MARCHF3: variants seen among roughly 807,000 people sequenced by gnomAD.
The protein encoded by MARCHF3 is E3 ubiquitin-protein ligase MARCHF3.
In MARCHF3, 13 loss-of-function variants were observed where a neutral mutation model predicts 24.2. The ratio of observed to expected loss-of-function variants is 0.54; its 90% CI spans 0.35 to 0.85. MARCHF3 has a LOEUF of 0.85. Among genes scored for constraint, MARCHF3 ranks in the 40% least tolerant of loss-of-function variants. The pLI is 0.01. For synonymous variants in MARCHF3, 144 were observed against 137.3 expected, an observed-to-expected ratio of 1.05 and a Z score of -0.34; for missense variants, 276 against 325.0, an observed-to-expected ratio of 0.85 and a Z score of 1.16.
rs530502593 is a variant in MARCHF3 at position 127,025,660 on chromosome 5, C to T, written c.-57+4690G>A. 8.5e-4 allele frequency among the ~76,000 whole-genome samples: 129 copies of T among 152,288 alleles called. 1 individual carries two copies. Among genetic ancestry groups the T allele is most frequent in the African/African-American group, 2.9e-3 (122 of 41,562 alleles). On this transcript the variant is annotated intron_variant, in intron 1 of 4. Transcript: ENST00000308660. ...GTGTCTGTGAGGCCACAGATGAGTG[C>T]ATCTGTCACTTCATTCATCTGAATC...
intron 3 of MARCHF3, among the ~76,000 whole-genome samples, chr5:126,911,893 A>C (rs1754544819): frequency 6.6e-6 from 1 of 152,228 alleles, no homozygotes; most frequent in Admixed American, 6.5e-5. Flanking sequence ...TGTAGAATAC[A>C]CATTTTTTGA....
intron 4 of MARCHF3, among the ~76,000 whole-genome samples, chr5:126,877,124 G>A (rs1272011373): frequency 6.6e-6 from 1 of 152,206 alleles, no homozygotes; most frequent in Non-Finnish European, 1.5e-5. Flanking sequence ...CACTGGAGGG[G>A]AGGCACAGAG....
At chr5:126,881,133 C>T (rs1295144354) in intron 3 of MARCHF3, among the ~76,000 whole-genome samples, 2 of 152,062 alleles carry the variant, frequency 1.3e-5, no homozygotes, top group African/African-American at 4.8e-5. Flanking sequence ...TCTAACTGTT[C>T]TTTGATCTTC....
At position 126,870,347 on chromosome 5, in the gene MARCHF3, C is replaced by T. The variant is rs1752923532; in HGVS notation, c.*286G>A. 1 of 258,006 alleles carries T rather than the reference C, an allele frequency of 3.9e-6. No individual in the cohort carries two copies. The highest frequency in any genetic ancestry group is 2.2e-5 in the African/African-American group (1 of 46,176). 16.0% of individuals were successfully genotyped at this position (258,006 alleles called of 1,614,324 possible). A position where few individuals can be genotyped will look rare whatever the true frequency, so the allele number is the denominator to read the frequency against. ...GCATCCGTAGCAGGACAACCTTCCT[C>T]ATACGTTAAAGAGGTGTTCAGAAAA... On this transcript the variant is annotated 3_prime_UTR_variant, in exon 5 of 5. Transcript: ENST00000308660.
rs990618389 is a variant in MARCHF3 at position 126,895,777 on chromosome 5, A to C, written c.394-17383T>G. Among the ~76,000 whole-genome samples, 35 of 152,248 alleles carry C rather than the reference A, an allele frequency of 2.3e-4. 1 individual carries two copies. Among genetic ancestry groups the C allele is most frequent in the African/African-American group, 7.5e-4 (31 of 41,540 alleles). On this transcript the variant is annotated intron_variant, in intron 3 of 4. Transcript: ENST00000308660. ...CTGCTGTCTTTTTGTTTGTCTGTGC[A>C]CTGCCCCCAGAGGTGGAGCCTACAG...
chr5:126,887,377 T>C (rs1164231350), intron 3 of MARCHF3, among the ~76,000 whole-genome samples: 4 of 152,224 alleles, frequency 2.6e-5, no homozygotes, highest in African/African-American at 9.6e-5. Flanking sequence ...CAAACAGAAA[T>C]ACAGATATTT....
At chr5:126,898,958 T>G in intron 3 of MARCHF3, 1 of 985,278 alleles carries the variant, frequency 1.0e-6, no homozygotes, top group South Asian at 4.7e-5. Context: ...ATTAAACTTT[T>G]TTTTTTAGTA....
chr5:127,006,449 A>G (rs1199332939), intron 1 of MARCHF3, among the ~76,000 whole-genome samples: 1 of 152,192 alleles, frequency 6.6e-6, no homozygotes, highest in Non-Finnish European at 1.5e-5. Flanking sequence ...GACTGTAAAC[A>G]TTTACAAACA....
chr5:126,979,305 C>T (rs1308524466), intron 1 of MARCHF3, among the ~76,000 whole-genome samples: 1 of 152,196 alleles, frequency 6.6e-6, no homozygotes, highest in Non-Finnish European at 1.5e-5. Context: ...TGGCAAACAT[C>T]TGGTACTTAA....
chr5:126,910,654 C>T (rs552618085), intron 3 of MARCHF3, among the ~76,000 whole-genome samples: 2 of 152,300 alleles, frequency 1.3e-5, no homozygotes, highest in South Asian at 4.1e-4. Context: ...ATCCCATCAT[C>T]TTTGTAAGCT....
chr5:126,914,493 A>C (rs982324426), intron 3 of MARCHF3, among the ~76,000 whole-genome samples: 4 of 152,072 alleles, frequency 2.6e-5, no homozygotes, highest in Non-Finnish European at 5.9e-5. Flanking sequence ...TATCCATTAA[A>C]CTATGGAGCT....
chr5:126,924,383 T>C (rs1166986809), intron 1 of MARCHF3, among the ~76,000 whole-genome samples: 8 of 152,116 alleles, frequency 5.3e-5, no homozygotes, highest in Admixed American at 4.6e-4. Flanking sequence ...GAATGGACAA[T>C]ACAAGGCGGT....
chr5:126,912,358 A>G (rs915486882), intron 3 of MARCHF3, among the ~76,000 whole-genome samples: 1 of 152,186 alleles, frequency 6.6e-6, no homozygotes, highest in African/African-American at 2.4e-5. Context: ...TGACAAATAA[A>G]ATTTATAAAT....
intron 3 of MARCHF3, among the ~76,000 whole-genome samples, chr5:126,894,855 C>T (rs1488555323): frequency 2.0e-5 from 3 of 151,500 alleles, no homozygotes; most frequent in Non-Finnish European, 4.4e-5. Context: ...GAACGTTGGC[C>T]TGCCTTGCTA....
intron 1 of MARCHF3, among the ~76,000 whole-genome samples, chr5:126,982,177 ACT>A (rs1751416662): frequency 6.6e-6 from 1 of 151,960 alleles, no homozygotes; most frequent in African/African-American, 2.4e-5. Flanking sequence ...TGCTAGAATA[ACT>A]CTCTATCTCC....
At chr5:126,876,804 G>A (rs1012470122) in intron 4 of MARCHF3, among the ~76,000 whole-genome samples, 6 of 152,022 alleles carry the variant, frequency 3.9e-5, no homozygotes, top group African/African-American at 1.4e-4. Context: ...CATGCACCAC[G>A]ATGCCCAGCT....
intron 1 of MARCHF3, among the ~76,000 whole-genome samples, chr5:126,967,665 C>G (rs1750863579): frequency 6.6e-6 from 1 of 152,172 alleles, no homozygotes; most frequent in Non-Finnish European, 1.5e-5. Flanking sequence ...TGCACTCCAG[C>G]CTGGGTGACA....
chr5:126,896,522 AC>A (rs550319598), intron 3 of MARCHF3, among the ~76,000 whole-genome samples: 242 of 152,144 alleles, frequency 1.6e-3, no homozygotes, highest in Non-Finnish European at 2.5e-3. Context: ...GAGACATGCA[AC>A]CCCTAGGTGT....
chr5:126,895,244 C>T (rs1753836657), intron 3 of MARCHF3, among the ~76,000 whole-genome samples: 1 of 152,064 alleles, frequency 6.6e-6, no homozygotes, highest in South Asian at 2.1e-4. Context: ...ACTTCTTTGC[C>T]TTTGGTTTGA....
Sources: allele counts gnomAD v4.1 joint callset (sites outside exome capture counted in the v4.1 genomes callset), GRCh38; gene constraint gnomAD v4.1.1; transcripts MANE v1.5; gene names NCBI Gene and HGNC (gene_info 2026-07-23, HGNC 2026-07-21).